Variants in EFR3B observed in about 807,000 individuals in gnomAD.
EFR3B encodes protein EFR3 homolog B.
EFR3B carries 64 observed loss-of-function variants against 104.7 expected under a neutral mutation model. The observed-to-expected ratio is 0.61, with a 90% CI of 0.50 to 0.75. EFR3B has a LOEUF of 0.75. Among genes scored for constraint, EFR3B ranks in the 30% least tolerant of loss-of-function variants. The pLI is 0.00. For missense variants in EFR3B, 750 were observed against 1,078.5 expected, an observed-to-expected ratio of 0.70 and a Z score of 4.27; for synonymous variants, 385 against 417.9, an observed-to-expected ratio of 0.92 and a Z score of 0.96.
intron 10 of EFR3B, among the ~76,000 whole-genome samples, chr2:25,132,337 A>T (rs897381463): frequency 1.3e-5 from 2 of 152,106 alleles, no homozygotes; most frequent in Admixed American, 1.3e-4. Flanking sequence ...TAGGGCTTCC[A>T]GGAGGGAGAG....
intron 21 of EFR3B, 32 bp from the exon 22 acceptor site, chr2:25,153,680 C>G: frequency 1.9e-6 from 3 of 1,551,204 alleles, no homozygotes; most frequent in Non-Finnish European, 1.7e-6. Context: ...CCCCCCACCC[C>G]TGCCAGCTCA....
Position 25,042,485 on chromosome 2 carries a change from A to G in EFR3B, c.7+166A>G. 1 of 1,206,114 alleles carries G rather than the reference A, an allele frequency of 8.3e-7. No individual in the cohort carries two copies. The highest frequency in any genetic ancestry group is 4.3e-5 in the South Asian group (1 of 23,346). The allele number at this position is 1,206,114 out of a possible 1,614,324, so 74.7% of individuals were successfully genotyped here. The stretch of plus-strand genomic sequence containing the variant: ...TCTGTGCGCGCGCGTCTGCGCTGCG[A>G]GGACAAAGATGCCTCGGGCCGGGGA... On this transcript the variant is annotated intron_variant, in intron 1 of 22. Coordinates refer to ENST00000403714, the MANE Select transcript of EFR3B (RefSeq NM_014971.2). This position sits in a 1 kb window ranked among gnomAD's most constrained non-coding sequence, Gnocchi z 5.4.
intron 1 of EFR3B, among the ~76,000 whole-genome samples, chr2:25,064,317 C>G (rs373293912): frequency 1.3e-5 from 2 of 152,134 alleles, no homozygotes; most frequent in Non-Finnish European, 2.9e-5. Context: ...TCTGTGAGTT[C>G]GTCTGTATAT....
chr2:25,091,827 G>C (rs886449697), intron 2 of EFR3B, among the ~76,000 whole-genome samples: 1 of 152,180 alleles, frequency 6.6e-6, no homozygotes, highest in Non-Finnish European at 1.5e-5. Flanking sequence ...GCCACTCTCT[G>C]GTGTCTGCCA....
At position 25,124,609 on chromosome 2, in the gene EFR3B, G is replaced by A. The variant is rs978049067; in HGVS notation, c.485+2815G>A. Among the ~76,000 whole-genome samples the A allele has an allele frequency of 4.0e-5, 6 of 151,504 alleles. 1 individual carries two copies. Among genetic ancestry groups the A allele is most frequent in the East Asian group, 1.9e-4 (1 of 5,160 alleles). ...AAAAAAATTAGCCAGGCGTGGTGGCGGGCACCTGTAATCCCAGCTACTCGG... is the reference window on the plus strand; with the variant it reads ...AAAAAAATTAGCCAGGCGTGGTGGCAGGCACCTGTAATCCCAGCTACTCGG... On this transcript the variant is annotated intron_variant, in intron 5 of 22. Coordinates refer to ENST00000403714, the MANE Select transcript of EFR3B (RefSeq NM_014971.2).
In EFR3B at chr2:25,131,936, C is replaced by A; in HGVS notation, c.1147+25C>A. The A allele has an allele frequency of 1.2e-5, 4 of 341,660 alleles. No individual in the cohort carries two copies. The highest frequency in any genetic ancestry group is 2.3e-4 in the East Asian group (1 of 4,352). The allele number at this position is 341,660 out of a possible 1,614,324, so 21.2% of individuals were successfully genotyped here. The stretch of plus-strand genomic sequence containing the variant: ...GGTGCGGCGCGGGGCCGGGCCGGGG[C>A]GGGGCGGGGCCGAGGCGCGGAGTGG... On this transcript the variant is annotated intron_variant, in intron 10 of 22. Transcript: ENST00000403714. The surrounding 1 kb of genome is among the most constrained non-coding windows in gnomAD (Gnocchi z 7.6).
intron 15 of EFR3B, among the ~76,000 whole-genome samples, chr2:25,138,265 A>C (rs1573231775): frequency 6.6e-6 from 1 of 152,240 alleles, no homozygotes; most frequent in Admixed American, 6.5e-5. Context: ...TAAAGTGTCT[A>C]TTTCCTGGGA....
At chr2:25,109,745 G>A (rs771650645) in intron 4 of EFR3B, among the ~76,000 whole-genome samples, 2 of 152,112 alleles carry the variant, frequency 1.3e-5, no homozygotes, top group Non-Finnish European at 2.9e-5. Context: ...CTGCTGAGTG[G>A]GTATAGGGTT....
chr2:25,132,584 G>C (rs1327116660), intron 10 of EFR3B, among the ~76,000 whole-genome samples: 1 of 151,894 alleles, frequency 6.6e-6, no homozygotes, highest in Non-Finnish European at 1.5e-5. Flanking sequence ...GAGAACTCGG[G>C]CTCCCCCCGA....
chr2:25,152,443 A>G (rs187500549), intron 21 of EFR3B, among the ~76,000 whole-genome samples: 1 of 152,316 alleles, frequency 6.6e-6, no homozygotes, highest in Admixed American at 6.5e-5. Context: ...AACTCCATGA[A>G]GTTGGTGCCA....
At chr2:25,095,786 C>T (rs1172148287) in intron 3 of EFR3B, among the ~76,000 whole-genome samples, 11 of 152,046 alleles carry the variant, frequency 7.2e-5, no homozygotes, top group Admixed American at 6.6e-4. Context: ...TGTTTTGTTT[C>T]GTATCTATTT....
intron 4 of EFR3B, among the ~76,000 whole-genome samples, chr2:25,107,089 C>T (rs1190135164): frequency 1.3e-5 from 2 of 152,140 alleles, no homozygotes; most frequent in South Asian, 2.1e-4. Flanking sequence ...ACAGCTAGAG[C>T]GCTGGCTTTA....
intron 1 of EFR3B, among the ~76,000 whole-genome samples, chr2:25,089,038 C>T (rs1016340283): frequency 1.3e-5 from 2 of 152,136 alleles, no homozygotes; most frequent in South Asian, 4.1e-4. Flanking sequence ...GGGAAGGTGC[C>T]TTCCCTGGAG....
At chr2:25,059,582 G>GGGGGGGGGGGGGGGTGGGGGGGGT (rs1668127563) in intron 1 of EFR3B, among the ~76,000 whole-genome samples, 1 of 139,574 alleles carries the variant, frequency 7.2e-6, no homozygotes, top group African/African-American at 2.6e-5. Flanking sequence ...CGGGGGGGGG[G>GGGGGGGGGGGGGGGTGGGGGGGGT]GGGGTGGAGA....
chr2:25,083,084 T>C (rs1194550651), intron 1 of EFR3B, among the ~76,000 whole-genome samples: 1 of 152,276 alleles, frequency 6.6e-6, no homozygotes, highest in African/African-American at 2.4e-5. Context: ...TCCTACTGAT[T>C]TGCCTTTTCA....
chr2:25,100,204 CA>C (rs1244743428), intron 3 of EFR3B, among the ~76,000 whole-genome samples: 9 of 150,924 alleles, frequency 6.0e-5, no homozygotes, highest in East Asian at 3.9e-4. Flanking sequence ...AACTCCGTCT[CA>C]AAAAAAAAAT....
At chr2:25,124,540 G>A (rs1670112030) in intron 5 of EFR3B, among the ~76,000 whole-genome samples, 1 of 151,660 alleles carries the variant, frequency 6.6e-6, no homozygotes, top group South Asian at 2.1e-4. Flanking sequence ...AGACCATCCT[G>A]GCTAACACGG....
At position 25,155,201 on chromosome 2, in the gene EFR3B, G is replaced by A. The variant is rs1414033513; in HGVS notation, c.*861G>A. ...AAGGCAGAGCAAGATAATCTTGGAG[G>A]GGAACTACAGGGTCCCCAAGATTTG... On this transcript the variant is annotated 3_prime_UTR_variant, in exon 23 of 23. Coordinates refer to ENST00000403714, the MANE Select transcript of EFR3B (RefSeq NM_014971.2). 6.6e-6 allele frequency: 1 copy of A among 152,134 alleles called. No homozygotes were observed. The highest frequency in any genetic ancestry group is 1.5e-5 in the Non-Finnish European group (1 of 68,054). 9.4% of individuals were successfully genotyped at this position (152,134 alleles called of 1,614,324 possible).
chr2:25,082,237 A>G (rs1472081767), intron 1 of EFR3B, among the ~76,000 whole-genome samples: 1 of 152,250 alleles, frequency 6.6e-6, no homozygotes, highest in Admixed American at 6.5e-5. Context: ...TTCACAGCAC[A>G]GGGGTCATTC....
Sources: gnomAD v4.1 joint callset for allele counts (sites outside exome capture counted in the v4.1 genomes callset) on GRCh38, gnomAD v4.1.1 for gene constraint, Gnocchi (gnomAD v3.1) non-coding constraint, MANE v1.5 for transcripts, NCBI Gene and HGNC (gene_info 2026-07-23, HGNC 2026-07-21) for gene names.